NPAT: variants seen among roughly 807,000 people sequenced by gnomAD.
NPAT encodes the protein protein NPAT.
Under a neutral mutation model 130.7 loss-of-function variants are expected in NPAT, and 52 were observed. That is an observed-to-expected ratio of 0.40 (90% CI 0.32 to 0.50). The LOEUF (loss-of-function observed/expected upper bound fraction) is 0.50, where lower values mean the gene tolerates loss of function less well. Ranked by LOEUF, NPAT falls within the 20% of genes least tolerant of loss-of-function variation. The pLI is 0.68. For missense variants in NPAT, 1,687 were observed against 1,662.6 expected (o/e 1.01, Z -0.26); for synonymous variants, 580 against 584.8 (o/e 0.99, Z 0.12).
chr11:108,161,914 G>A lies in NPAT; in HGVS notation c.3172C>T (p.Pro1058Ser). ...PEESIVPAAK[P>S]CHRRVLCFDS... ...AAACAGAGTACACGTCTGTGGCATG[G>A]TTTAGCAGCTGGAACTATACTCTCT... Residue 1058 changes from proline to serine, a missense_variant, in exon 17 of 18, where the codon CCA becomes TCA. Transcript: ENST00000278612. The A allele has an allele frequency of 1.2e-6, 2 of 1,611,464 alleles. No individual in the cohort carries two copies. Among genetic ancestry groups the A allele is most frequent in the Non-Finnish European group, 1.7e-6 (2 of 1,178,590 alleles).
intron 17 of NPAT, 36 bp from the exon 18 acceptor site, chr11:108,159,055 C>T: frequency 7.1e-7 from 1 of 1,405,890 alleles, no homozygotes; most frequent in African/African-American, 1.4e-5. Context: ...AAACTCAAAA[C>T]AAGGCCAAAA....
At chr11:108,164,733 C>T (rs939161310) in intron 15 of NPAT, among the ~76,000 whole-genome samples, 3 of 152,056 alleles carry the variant, frequency 2.0e-5, no homozygotes, top group Non-Finnish European at 4.4e-5. Flanking sequence ...GGATCTAGGC[C>T]GGGCGCAGTG....
intron 10 of NPAT, 29 bp downstream of exon 10, chr11:108,185,203 G>T: frequency 7.0e-7 from 1 of 1,425,542 alleles, no homozygotes; most frequent in Non-Finnish European, 9.9e-7. Context: ...TAACACACAC[G>T]CACCCATGCA....
intron 1 of NPAT, among the ~76,000 whole-genome samples, chr11:108,199,749 A>T (rs546150205): frequency 2.1e-4 from 32 of 152,180 alleles, no homozygotes; most frequent in African/African-American, 7.7e-4. Context: ...AATGCATAGG[A>T]TCGGAATAAG....
At chr11:108,209,017 C>T (rs748687313) in intron 1 of NPAT, among the ~76,000 whole-genome samples, 10 of 151,902 alleles carry the variant, frequency 6.6e-5, no homozygotes, top group Non-Finnish European at 1.0e-4. Flanking sequence ...TGGTGGCTCA[C>T]GCCTGTAATC....
At chr11:108,200,229 A>AC (rs1226625146) in intron 1 of NPAT, among the ~76,000 whole-genome samples, 1 of 152,002 alleles carries the variant, frequency 6.6e-6, no homozygotes, top group South Asian at 2.1e-4. Flanking sequence ...TAAGAGACTG[A>AC]TTTTTTTCCC....
chr11:108,158,866 T>C lies in NPAT; in HGVS notation c.*76A>G, dbSNP rs2077819884. ...GTGCAGGTCATGCTTTCAGATTCTG[T>C]CAATATCCCATTCCCTACACTCAGT... On this transcript the variant is annotated 3_prime_UTR_variant, in exon 18 of 18. Transcript: ENST00000278612. The C allele has an allele frequency of 4.7e-5, 40 of 851,398 alleles. No individual in the cohort carries two copies. Among genetic ancestry groups the C allele is most frequent in the South Asian group, 3.7e-4 (27 of 73,204 alleles). The allele number at this position is 851,398 out of a possible 1,614,324, so 52.7% of individuals were successfully genotyped here. A position where few individuals can be genotyped will look rare whatever the true frequency, so the allele number is the denominator to read the frequency against.
chr11:108,161,894 G>A lies in NPAT; in HGVS notation c.3192C>T (p.Leu1064=), dbSNP rs772693402. 1.2e-6 allele frequency: 2 copies of A among 1,613,932 alleles called. No individual in the cohort carries two copies. The highest frequency in any genetic ancestry group is 1.7e-6 in the Non-Finnish European group (2 of 1,179,918). ...CAGGAGCAGTAGTGCTGTCGAAACA[G>A]AGTACACGTCTGTGGCATGGTTTAG... is the stretch of plus-strand genomic sequence containing the variant. ...PAAKPCHRRV[L]CFDSTTAPVA... Residue 1064 remains leucine (L), a synonymous_variant, in exon 17 of 18, where the codon CTC becomes CTT. Coordinates refer to ENST00000278612, the MANE Select transcript of NPAT (RefSeq NM_002519.3).
At chr11:108,209,603 C>T (rs2078363159) in intron 1 of NPAT, among the ~76,000 whole-genome samples, 1 of 151,838 alleles carries the variant, frequency 6.6e-6, no homozygotes, top group Admixed American at 6.6e-5. Flanking sequence ...TCAATTACCA[C>T]ATTGGGCCAG....
At chr11:108,208,105 T>A (rs2078346532) in intron 1 of NPAT, among the ~76,000 whole-genome samples, 2 of 152,226 alleles carry the variant, frequency 1.3e-5, no homozygotes, top group African/African-American at 4.8e-5. Flanking sequence ...AACATTTGCA[T>A]TATACTTACT....
intron 1 of NPAT, among the ~76,000 whole-genome samples, chr11:108,222,275 G>T (rs4987878): frequency 0.016 from 2,502 of 152,140 alleles, 62 homozygotes; most frequent in African/African-American, 0.057. Flanking sequence ...GCTTCCCCTC[G>T]GGCTTCCCCT....
Position 108,188,118 on chromosome 11 carries a change from C to T in NPAT, c.618G>A (p.Met206Ile). 1 of 1,612,088 alleles carries T rather than the reference C, an allele frequency of 6.2e-7. No homozygotes were observed. Among genetic ancestry groups the T allele is most frequent in the Non-Finnish European group, 8.5e-7 (1 of 1,179,180 alleles). Residue 206 changes from methionine to isoleucine, a missense_variant, in exon 7 of 18, where the codon ATG (methionine) becomes ATA (isoleucine). By Grantham distance (10) the Met-to-Ile change is conservative. Around this residue, in one of 3 missense-constraint regions of NPAT, gnomAD observed 307 missense variants for 298.9 expected, o/e 1.03. Coordinates refer to ENST00000278612, the MANE Select transcript of NPAT (RefSeq NM_002519.3). ...TTTACCTTTTGCGTCTACCGGGAGA[C>T]ATTAAACTGGCATGTGCTTTCTTTT... Reference protein sequence around the residue: ...AQEKKAHASLMSPGRRKSESQ... With the variant: ...AQEKKAHASLISPGRRKSESQ...
In NPAT at chr11:108,197,308, G is replaced by A; in HGVS notation, c.150C>T (p.Cys50=). ...TAAGGAACAAATAACTCACCAGTAA[G>A]CAGGCTGGAATAAACCCTTCATCTG... is the stretch of plus-strand genomic sequence containing the variant. The part of the protein sequence containing the change: ...HCTDEGFIPA[C]LLSLFGKNLT... The change falls in exon 2 of 18, where the codon TGC becomes TGT. Residue 50 remains cysteine, a synonymous_variant. Coordinates refer to ENST00000278612, the MANE Select transcript of NPAT (RefSeq NM_002519.3). 6.3e-7 allele frequency: 1 copy of A among 1,578,454 alleles called. No individual in the cohort carries two copies. Among genetic ancestry groups the A allele is most frequent in the Non-Finnish European group, 8.7e-7 (1 of 1,147,712 alleles).
At chr11:108,208,521 G>A (rs994293817) in intron 1 of NPAT, 9 of 453,682 alleles carry the variant, frequency 2.0e-5, no homozygotes, top group Admixed American at 9.4e-5. Context: ...CCAGGAGGTC[G>A]AGGCTGCAGC....
chr11:108,185,031 C>G (rs1204117274), intron 10 of NPAT, among the ~76,000 whole-genome samples: 2 of 152,144 alleles, frequency 1.3e-5, no homozygotes, highest in African/African-American at 2.4e-5. Flanking sequence ...TTTAAGTCAT[C>G]ATCCAATGTG....
Position 108,221,406 on chromosome 11 carries a change from G to A in NPAT, c.37+1094C>T, listed in dbSNP as rs1591425816. 2.0e-5 allele frequency among the ~76,000 whole-genome samples: 3 copies of A among 152,286 alleles called. No homozygotes were observed. The East Asian group carries it at 5.8e-4, about 29-fold the overall frequency. On this transcript the variant is annotated intron_variant, in intron 1 of 17. Transcript: ENST00000278612. ...AACTGCCAAAACTCAGAATTCTTAA[G>A]CAAAAGATTAATCAGACATTAACAA...
intron 10 of NPAT, among the ~76,000 whole-genome samples, chr11:108,184,254 G>A (rs777068993): frequency 1.3e-5 from 2 of 152,120 alleles, no homozygotes; most frequent in African/African-American, 4.8e-5. Flanking sequence ...GGCAGATAAC[G>A]AGGTCAGGAG....
intron 13 of NPAT, chr11:108,171,686 C>T (rs764150938): frequency 6.5e-6 from 1 of 153,058 alleles, no homozygotes; most frequent in African/African-American, 2.4e-5. Context: ...GAGGTTTCAC[C>T]ATGTTCTCGA....
chr11:108,209,544 C>G (rs2078362671), intron 1 of NPAT, among the ~76,000 whole-genome samples: 1 of 152,092 alleles, frequency 6.6e-6, no homozygotes, highest in Admixed American at 6.5e-5. Context: ...AGACTGAGAT[C>G]TTGTCTCAAA....
Sources: gnomAD v4.1 joint callset for allele counts (sites outside exome capture counted in the v4.1 genomes callset) on GRCh38, gnomAD v4.1.1 for gene constraint, gnomAD v4.1.1 regional missense constraint, MANE v1.5 for transcripts, NCBI Gene and HGNC (gene_info 2026-07-23, HGNC 2026-07-21) for gene names.